Variants in COL24A1 observed in about 807,000 individuals in gnomAD.
COL24A1 encodes collagen alpha-1(XXIV) chain.
A neutral mutation model predicts 253.9 loss-of-function variants in COL24A1; 224 were observed. The ratio of observed to expected loss-of-function variants is 0.88; its 90% CI spans 0.79 to 0.99. The LOEUF is 0.99. Among genes scored for constraint, COL24A1 ranks in the 50% least tolerant of loss-of-function variants. The pLI is 0.00. For synonymous variants in COL24A1, 685 were observed against 673.7 expected (o/e 1.02, Z -0.26); for missense variants, 2,131 against 2,068.5 (o/e 1.03, Z -0.59).
intron 18 of COL24A1, among the ~76,000 whole-genome samples, chr1:86,020,380 A>C (rs948283656): frequency 6.6e-6 from 1 of 152,016 alleles, no homozygotes; most frequent in South Asian, 2.1e-4. Flanking sequence ...CTTTCATTTT[A>C]AACATGAGAA....
chr1:85,924,345 A>C (rs779995664), intron 24 of COL24A1, among the ~76,000 whole-genome samples: 6 of 152,180 alleles, frequency 3.9e-5, no homozygotes, highest in African/African-American at 1.4e-4. Flanking sequence ...CCTGATACGA[A>C]AGCCTGGCAG....
intron 19 of COL24A1, among the ~76,000 whole-genome samples, chr1:85,987,907 T>G (rs923175111): frequency 6.6e-6 from 1 of 151,766 alleles, no homozygotes; most frequent in African/African-American, 2.4e-5. Context: ...TTTAAGAGAG[T>G]AGAAGTCTCA....
intron 43 of COL24A1, among the ~76,000 whole-genome samples, chr1:85,830,142 G>A (rs1351844256): frequency 6.6e-6 from 1 of 152,072 alleles, no homozygotes; most frequent in Non-Finnish European, 1.5e-5. Flanking sequence ...CCTTCTAACA[G>A]ACAGGACCCT....
chr1:85,911,852 A>G (rs1008715743), intron 24 of COL24A1, among the ~76,000 whole-genome samples: 5 of 152,226 alleles, frequency 3.3e-5, no homozygotes, highest in African/African-American at 1.2e-4. Context: ...CCTATCATTC[A>G]TTCATCCACT....
intron 25 of COL24A1, 59 bp downstream of exon 25, chr1:85,911,321 G>A: frequency 1.5e-6 from 2 of 1,293,860 alleles, no homozygotes; most frequent in South Asian, 1.2e-5. Context: ...ATGAAAGTCT[G>A]CCTTTTGAAT....
At chr1:86,026,772 C>A (rs970249045) in intron 14 of COL24A1, among the ~76,000 whole-genome samples, 1 of 152,114 alleles carries the variant, frequency 6.6e-6, no homozygotes, top group African/African-American at 2.4e-5. Context: ...CAGGCAGAGG[C>A]TGGAACAGTG....
chr1:85,955,370 C>T (rs913361176), intron 24 of COL24A1, among the ~76,000 whole-genome samples: 2 of 152,216 alleles, frequency 1.3e-5, no homozygotes, highest in Non-Finnish European at 2.9e-5. Context: ...TTTTCCAGGA[C>T]ACCAGGGCAA....
At chr1:85,778,137 T>C (rs1668777791) in intron 52 of COL24A1, among the ~76,000 whole-genome samples, 1 of 152,116 alleles carries the variant, frequency 6.6e-6, no homozygotes, top group African/African-American at 2.4e-5. Context: ...TTTTTAAATT[T>C]TTTTTGCCCA....
At chr1:85,907,845 C>T (rs1684988617) in intron 27 of COL24A1, among the ~76,000 whole-genome samples, 1 of 151,498 alleles carries the variant, frequency 6.6e-6, no homozygotes, top group African/African-American at 2.4e-5. Context: ...TATCTATTAA[C>T]CCAAGGTAGA....
rs1345946260 is a variant in COL24A1, at chr1:85,911,438, T to C, written c.2563-5A>G. The C allele has an allele frequency of 1.2e-6, 2 of 1,610,802 alleles. No individual in the cohort carries two copies. Among genetic ancestry groups the C allele is most frequent in the Non-Finnish European group, 1.7e-6 (2 of 1,178,104 alleles). ...TCCAGGTAAGCCAACAGGTCCCTTT[T>C]AGGAAAAAAAAATAACAGAAAATAC... On this transcript the variant is annotated splice_region_variant and splice_polypyrimidine_tract_variant and intron_variant, in intron 24 of 59. Coordinates refer to ENST00000370571, the MANE Select transcript of COL24A1 (RefSeq NM_152890.7).
chr1:85,889,433 G>T, intron 32 of COL24A1, 127 bp downstream of exon 32: 1 of 743,608 alleles, frequency 1.3e-6, no homozygotes, highest in Non-Finnish European at 2.3e-6. Flanking sequence ...TATGTGATTA[G>T]TCTATGGTGT....
intron 2 of COL24A1, among the ~76,000 whole-genome samples, chr1:86,142,545 A>AAC (rs1651302645): frequency 2.0e-5 from 3 of 150,894 alleles, no homozygotes; most frequent in Non-Finnish European, 4.4e-5. Context: ...AAAAAACAAA[A>AAC]AACAAAAAAA....
chr1:85,842,726 T>G (rs1393848427), intron 39 of COL24A1, among the ~76,000 whole-genome samples: 2 of 152,186 alleles, frequency 1.3e-5, no homozygotes, highest in South Asian at 2.1e-4. Flanking sequence ...TTGTGCCAGA[T>G]GTGGGTCACT....
intron 53 of COL24A1, among the ~76,000 whole-genome samples, chr1:85,762,028 AAATG>A (rs1368424092): frequency 2.0e-5 from 3 of 152,210 alleles, no homozygotes; most frequent in Non-Finnish European, 4.4e-5. Context: ...ATTGATAATT[AAATG>A]AATGAATGAT....
At chr1:85,829,660 C>T (rs1259858236) in intron 43 of COL24A1, among the ~76,000 whole-genome samples, 1 of 152,036 alleles carries the variant, frequency 6.6e-6, no homozygotes, top group African/African-American at 2.4e-5. Context: ...CTTCTCGCTT[C>T]ATTTCATTCA....
chr1:85,925,011 A>G (rs554562220), intron 24 of COL24A1, among the ~76,000 whole-genome samples: 69 of 152,316 alleles, frequency 4.5e-4, no homozygotes, highest in African/African-American at 1.6e-3. Flanking sequence ...TATCACAAGC[A>G]TTCCTATACA....
intron 58 of COL24A1, among the ~76,000 whole-genome samples, chr1:85,737,106 T>C (rs1416418509): frequency 6.6e-6 from 1 of 152,166 alleles, no homozygotes; most frequent in Non-Finnish European, 1.5e-5. Context: ...TGTGTGTGTA[T>C]GCATAAAAAC....
intron 53 of COL24A1, among the ~76,000 whole-genome samples, chr1:85,771,688 CA>C (rs1457268966): frequency 2.0e-5 from 3 of 152,158 alleles, no homozygotes; most frequent in African/African-American, 7.2e-5. Context: ...CTGTCTTCCA[CA>C]ATGGTTGAAC....
At chr1:85,854,871 T>C (rs1372399419) in intron 37 of COL24A1, among the ~76,000 whole-genome samples, 1 of 152,096 alleles carries the variant, frequency 6.6e-6, no homozygotes, top group East Asian at 1.9e-4. Flanking sequence ...GCTCAGCTAA[T>C]TTTTGTATTT....
Sources: allele counts gnomAD v4.1 joint callset (sites outside exome capture counted in the v4.1 genomes callset), GRCh38; gene constraint gnomAD v4.1.1; transcripts MANE v1.5; gene names NCBI Gene and HGNC (gene_info 2026-07-23, HGNC 2026-07-21).